Variants in NELFA observed in about 807,000 individuals in gnomAD.
NELFA encodes the protein negative elongation factor complex member A.
Under a neutral mutation model 51.8 loss-of-function variants are expected in NELFA, and 35 were observed. The ratio of observed to expected loss-of-function variants is 0.68; its 90% CI spans 0.52 to 0.90. The LOEUF is 0.90. Ranked by LOEUF, NELFA falls within the 40% of genes least tolerant of loss-of-function variation. The pLI is 0.00. For synonymous variants in NELFA, 417 were observed against 338.4 expected (o/e 1.23, Z -2.55); for missense variants, 658 against 746.4 (o/e 0.88, Z 1.38).
At chr4:1,988,182 G>A (rs540749543) in intron 3 of NELFA, among the ~76,000 whole-genome samples, 175 bp from the exon 4 acceptor site, 5 of 152,346 alleles carry the variant, frequency 3.3e-5, no homozygotes, top group Non-Finnish European at 7.3e-5. Context: ...TTTACAACGA[G>A]TCAGAAACTC....
At chr4:1,992,544 G>A (rs892537422) in intron 1 of NELFA, 1 of 366,506 alleles carries the variant, frequency 2.7e-6, no homozygotes, top group Non-Finnish European at 5.6e-6. Flanking sequence ...GAGACAGCTG[G>A]GCTGGCTGGC....
intron 4 of NELFA, among the ~76,000 whole-genome samples, chr4:1,986,848 C>T (rs112825875): frequency 1.3e-5 from 2 of 152,174 alleles, no homozygotes; most frequent in African/African-American, 2.4e-5. Context: ...CCAAGGCGTG[C>T]GTGGCTCTCA....
At chr4:1,997,953 G>T (rs1329272816) in intron 1 of NELFA, among the ~76,000 whole-genome samples, 1 of 152,184 alleles carries the variant, frequency 6.6e-6, no homozygotes, top group Non-Finnish European at 1.5e-5. Context: ...CTGTTCTGCA[G>T]CCTCCTTTAG....
intron 2 of NELFA, chr4:1,990,513 G>A (rs767778516): frequency 4.4e-6 from 2 of 456,696 alleles, no homozygotes; most frequent in South Asian, 1.5e-5. Context: ...GGGGTGGGGT[G>A]GACCTGTCCA....
intron 1 of NELFA, among the ~76,000 whole-genome samples, chr4:1,996,308 A>C (rs1479824700): frequency 6.6e-6 from 1 of 152,234 alleles, no homozygotes; most frequent in African/African-American, 2.4e-5. Flanking sequence ...AACTTACTGA[A>C]ATTAAAAAAT....
intron 6 of NELFA, 117 bp downstream of exon 6, chr4:1,985,997 C>T (rs777435189): frequency 1.2e-5 from 16 of 1,363,360 alleles, no homozygotes; most frequent in African/African-American, 1.5e-5. Flanking sequence ...CACCCACCCA[C>T]GGAGAGCAGC....
At chr4:2,006,412 C>T (rs1728711201) in intron 1 of NELFA, among the ~76,000 whole-genome samples, 1 of 152,106 alleles carries the variant, frequency 6.6e-6, no homozygotes, top group African/African-American at 2.4e-5. Context: ...CAATAGGCAC[C>T]AATGATAGTG....
intron 1 of NELFA, chr4:1,992,453 C>G (rs545012823): frequency 3.7e-5 from 16 of 435,580 alleles, no homozygotes; most frequent in South Asian, 2.6e-4. Flanking sequence ...CACATAAACC[C>G]CCTCCCACGA....
intron 1 of NELFA, chr4:2,008,192 TG>T (rs1353020021): frequency 2.7e-6 from 1 of 374,348 alleles, no homozygotes; most frequent in Non-Finnish European, 5.3e-6. Context: ...GAAACCCCGA[TG>T]GGAGACCCCG....
intron 2 of NELFA, chr4:1,990,562 C>A (rs1728242005): frequency 4.4e-6 from 2 of 454,006 alleles, no homozygotes; most frequent in South Asian, 3.1e-5. Context: ...TGTGTGTGAC[C>A]TCACAGGTGG....
intron 1 of NELFA, among the ~76,000 whole-genome samples, chr4:2,000,203 A>G (rs1454348934): frequency 2.6e-5 from 4 of 152,120 alleles, no homozygotes; most frequent in Non-Finnish European, 5.9e-5. Flanking sequence ...CAGAGATGTA[A>G]TTAACATCAC....
Position 1,986,407 on chromosome 4 carries a change from A to C in NELFA, c.635-5T>G. ...TCGGGATGCCTTTGAGTGGGGCTGG[A>C]GGACGGCAACAGTCAGGGCGCCAGC... is the stretch of plus-strand genomic sequence containing the variant. On this transcript the variant is annotated splice_polypyrimidine_tract_variant and splice_region_variant and intron_variant, in intron 4 of 10. Transcript: ENST00000382882. The C allele has an allele frequency of 1.2e-6, 2 of 1,612,570 alleles. No individual in the cohort carries two copies. Among genetic ancestry groups the C allele is most frequent in the South Asian group, 2.2e-5 (2 of 90,836 alleles).
chr4:1,999,868 A>G (rs1728526996), intron 1 of NELFA, among the ~76,000 whole-genome samples: 1 of 152,208 alleles, frequency 6.6e-6, no homozygotes, highest in Non-Finnish European at 1.5e-5. Context: ...TTACTCTAAA[A>G]TCGACCATGT....
At position 1,989,707 on chromosome 4, in the gene NELFA, C is replaced by T. The variant is rs1323892118; in HGVS notation, c.544+1G>A. ...GCCCGATGGCGGCCGCGGCCACTCA[C>T]ACTTCTGCAGCAGCTCCGCCCGCAG... On this transcript the variant is annotated splice_donor_variant, in intron 3 of 10. Coordinates refer to ENST00000382882, the MANE Select transcript of NELFA (RefSeq NM_005663.5). LOFTEE classifies it high-confidence loss of function. The surrounding 1 kb of genome is among the most constrained non-coding windows in gnomAD (Gnocchi z 4.8). 1 of 1,612,906 alleles carries T rather than the reference C, an allele frequency of 6.2e-7. No homozygotes were observed. The highest frequency in any genetic ancestry group is 1.3e-5 in the African/African-American group (1 of 74,882).
chr4:1,986,059 G>A (rs995631451), intron 6 of NELFA, 55 bp downstream of exon 6: 1 of 1,532,538 alleles, frequency 6.5e-7, no homozygotes, highest in African/African-American at 1.4e-5. Context: ...CACCCCAACT[G>A]GGCAGGGCCC....
intron 1 of NELFA, among the ~76,000 whole-genome samples, chr4:2,002,462 C>A (rs554141255): frequency 2.0e-5 from 3 of 152,128 alleles, no homozygotes; most frequent in African/African-American, 7.2e-5. Flanking sequence ...GGAGGCATCA[C>A]GCTACCTGAC....
intron 10 of NELFA, 39 bp downstream of exon 10, chr4:1,983,557 C>A (rs781602789): frequency 3.2e-5 from 52 of 1,611,872 alleles, no homozygotes; most frequent in Non-Finnish European, 3.3e-5. Context: ...GCCCCCAACC[C>A]GGCCCGGTGC....
chr4:2,006,372 A>G (rs1728710124), intron 1 of NELFA, among the ~76,000 whole-genome samples: 1 of 152,194 alleles, frequency 6.6e-6, no homozygotes, highest in African/African-American at 2.4e-5. Flanking sequence ...TAACCCAGGG[A>G]GTGTTCCGGG....
intron 1 of NELFA, among the ~76,000 whole-genome samples, chr4:1,999,629 A>G (rs1728520473): frequency 6.6e-6 from 1 of 152,222 alleles, no homozygotes; most frequent in Non-Finnish European, 1.5e-5. Context: ...AGGAGCACCC[A>G]GATTCATAAA....
Sources: gnomAD v4.1 joint callset for allele counts (sites outside exome capture counted in the v4.1 genomes callset) on GRCh38, gnomAD v4.1.1 for gene constraint, Gnocchi (gnomAD v3.1) non-coding constraint, MANE v1.5 for transcripts, NCBI Gene and HGNC (gene_info 2026-07-23, HGNC 2026-07-21) for gene names.